The following IL15 variants were observed in gnomAD, a reference collection of about 807,000 sequenced individuals.
The protein encoded by IL15 is interleukin 15.
In IL15, 11 loss-of-function variants were observed where a neutral mutation model predicts 19.6. The observed-to-expected ratio is 0.56, with a 90% CI of 0.35 to 0.93. The LOEUF (loss-of-function observed/expected upper bound fraction) is 0.93. Among genes scored for constraint, IL15 ranks in the 40% least tolerant of loss-of-function variants. The pLI is 0.01. For missense variants in IL15, 197 were observed against 186.5 expected (o/e 1.06, Z -0.33); for synonymous variants, 58 against 59.6 (o/e 0.97, Z 0.12).
intron 1 of IL15, among the ~76,000 whole-genome samples, chr4:141,640,565 C>A (rs1727007309): frequency 6.6e-6 from 1 of 151,826 alleles, no homozygotes; most frequent in South Asian, 2.1e-4. Context: ...AAGAATATTG[C>A]CCTTTTTTAA....
At chr4:141,699,589 TTGTC>T (rs1273236033) in intron 2 of IL15, among the ~76,000 whole-genome samples, 1 of 152,220 alleles carries the variant, frequency 6.6e-6, no homozygotes, top group Admixed American at 6.5e-5. Context: ...ATGTCCTTCT[TTGTC>T]TTGTTTTACT....
chr4:141,689,128 G>A (rs556741521), intron 2 of IL15: 7 of 155,414 alleles, frequency 4.5e-5, no homozygotes, highest in South Asian at 2.0e-4. Context: ...TGAAGCTGCA[G>A]ACCTTCGCGG....
At chr4:141,669,047 G>A (rs896551146) in intron 2 of IL15, among the ~76,000 whole-genome samples, 9 of 151,544 alleles carry the variant, frequency 5.9e-5, no homozygotes, top group African/African-American at 2.2e-4. Flanking sequence ...TATAAGAAAG[G>A]GATTATTTTA....
chr4:141,637,996 C>A (rs756980230), intron 1 of IL15, among the ~76,000 whole-genome samples: 2 of 151,986 alleles, frequency 1.3e-5, no homozygotes, highest in East Asian at 3.9e-4. Flanking sequence ...AAGGCCGAGG[C>A]GAGAGGATAG....
chr4:141,718,890 GA>G (rs975525677), intron 2 of IL15: 11 of 152,168 alleles, frequency 7.2e-5, no homozygotes, highest in Admixed American at 5.9e-4. Flanking sequence ...ATTTGAGTGA[GA>G]AAAAATAAAA....
In IL15 at chr4:141,644,653, G is replaced by T. The variant is rs150272727; in HGVS notation, c.-222+7905G>T. On this transcript the variant is annotated intron_variant, in intron 1 of 7. Coordinates refer to ENST00000320650, the MANE Select transcript of IL15 (RefSeq NM_000585.5). ...TTTAAGTCTCTAAACTGGATCTCCAGATGAGGATGATATTTCTCTGATGTA... is the reference window on the plus strand; with the variant it reads ...TTTAAGTCTCTAAACTGGATCTCCATATGAGGATGATATTTCTCTGATGTA... 8.7e-4 allele frequency among the ~76,000 whole-genome samples: 132 copies of T among 152,240 alleles called. 2 individuals carry two copies. The highest frequency in any genetic ancestry group is 3.1e-3 in the African/African-American group (128 of 41,550).
chr4:141,652,603 G>A (rs1281674894), intron 1 of IL15, among the ~76,000 whole-genome samples: 2 of 152,072 alleles, frequency 1.3e-5, no homozygotes, highest in African/African-American at 4.8e-5. Context: ...GCTAAATCAC[G>A]TGATACATTT....
intron 2 of IL15, among the ~76,000 whole-genome samples, chr4:141,670,972 G>A (rs565885375): frequency 6.6e-6 from 1 of 152,280 alleles, no homozygotes; most frequent in South Asian, 2.1e-4. Context: ...GCACAATGGG[G>A]TGAGTTGTGT....
chr4:141,668,197 C>T (rs528751205), intron 2 of IL15, among the ~76,000 whole-genome samples: 47 of 152,324 alleles, frequency 3.1e-4, no homozygotes, highest in Admixed American at 8.5e-4. Flanking sequence ...GGGAAATACA[C>T]GCACATCCTT....
chr4:141,728,733 A>G lies in IL15; in HGVS notation c.240+749A>G, dbSNP rs1730350948. On this transcript the variant is annotated intron_variant, in intron 6 of 7. Transcript: ENST00000320650. ...GAAAGAAACCATAGTCAGAAACTAGAAAAAAGAGATATTCACTAACCAATT... is the reference window on the plus strand; with the variant it reads ...GAAAGAAACCATAGTCAGAAACTAGGAAAAAGAGATATTCACTAACCAATT... Among the ~76,000 whole-genome samples the G allele has an allele frequency of 1.3e-5, 2 of 152,128 alleles. 1 individual carries two copies. Among genetic ancestry groups the G allele is most frequent in the South Asian group, 4.1e-4 (2 of 4,836 alleles).
At chr4:141,699,318 A>C (rs1283017183) in intron 2 of IL15, among the ~76,000 whole-genome samples, 1 of 152,190 alleles carries the variant, frequency 6.6e-6, no homozygotes. Context: ...GTTGGGAAGA[A>C]CTTTCTGTAA....
chr4:141,704,893 T>C (rs1249595955), intron 2 of IL15, among the ~76,000 whole-genome samples: 2 of 152,056 alleles, frequency 1.3e-5, no homozygotes, highest in East Asian at 3.9e-4. Flanking sequence ...TAGTCTCTCA[T>C]GATCCTTTGT....
At position 141,662,002 on chromosome 4, in the gene IL15, A is replaced by G. The variant is rs138236591; in HGVS notation, c.-100+5695A>G. Among the ~76,000 whole-genome samples the G allele has an allele frequency of 1.0e-3, 154 of 152,320 alleles. 1 individual carries two copies. Among genetic ancestry groups the G allele is most frequent in the African/African-American group, 3.3e-3 (137 of 41,570 alleles). On this transcript the variant is annotated intron_variant, in intron 2 of 7. Transcript: ENST00000320650. The stretch of plus-strand genomic sequence containing the variant: ...AAATGTATTGCTTAATTTTCAAGCA[A>G]TTGAAGATTCCCTAGTTGTCTTTTT...
At chr4:141,654,152 G>A (rs999087573) in intron 1 of IL15, among the ~76,000 whole-genome samples, 5 of 152,188 alleles carry the variant, frequency 3.3e-5, no homozygotes, top group African/African-American at 9.7e-5. Context: ...ATCAAAACAG[G>A]GTGGGCAGAG....
At chr4:141,707,813 C>T (rs1426723289) in intron 2 of IL15, among the ~76,000 whole-genome samples, 1 of 152,186 alleles carries the variant, frequency 6.6e-6, no homozygotes, top group Non-Finnish European at 1.5e-5. Flanking sequence ...GCTACCTCTC[C>T]AGAGAGTCAG....
At chr4:141,678,595 G>T (rs1728431207) in intron 2 of IL15, among the ~76,000 whole-genome samples, 1 of 135,166 alleles carries the variant, frequency 7.4e-6, no homozygotes, top group Non-Finnish European at 1.5e-5. Flanking sequence ...GCAAATGTGT[G>T]ATTTCGTTGA....
chr4:141,721,502 T>C, intron 4 of IL15: 1 of 546,860 alleles, frequency 1.8e-6, no homozygotes, highest in Non-Finnish European at 3.5e-6. Context: ...AATCATTACA[T>C]GAAAATGATT....
At chr4:141,641,512 T>C (rs1463371333) in intron 1 of IL15, among the ~76,000 whole-genome samples, 1 of 151,824 alleles carries the variant, frequency 6.6e-6, no homozygotes, top group Non-Finnish European at 1.5e-5. Flanking sequence ...TATGCAGCCA[T>C]AAAAAAGGAT....
chr4:141,654,444 C>A (rs1727519274), intron 1 of IL15, among the ~76,000 whole-genome samples: 3 of 152,248 alleles, frequency 2.0e-5, no homozygotes, highest in Non-Finnish European at 4.4e-5. Flanking sequence ...AAATGCTTAT[C>A]AGTTCCTAGA....
Sources: gnomAD v4.1 joint callset for allele counts (sites outside exome capture counted in the v4.1 genomes callset) on GRCh38, gnomAD v4.1.1 for gene constraint, MANE v1.5 for transcripts, NCBI Gene and HGNC (gene_info 2026-07-23, HGNC 2026-07-21) for gene names.